CIB1: variants seen among roughly 807,000 people sequenced by gnomAD.
The protein encoded by CIB1 is calcium and integrin-binding protein 1.
Under a neutral mutation model 25.0 loss-of-function variants are expected in CIB1, and 19 were observed. The ratio of observed to expected loss-of-function variants is 0.76; its 90% confidence interval spans 0.53 to 1.12. The LOEUF (loss-of-function observed/expected upper bound fraction) is 1.12, where lower values mean the gene tolerates loss of function less well. CIB1 is among the 50% of genes most tolerant of loss of function. The pLI is 0.00. For synonymous variants in CIB1, 104 were observed against 98.5 expected (o/e 1.06, Z -0.33); for missense variants, 236 against 242.6 (o/e 0.97, Z 0.18).
the CIB1 span, among the ~76,000 whole-genome samples, chr15:90,261,704 T>A: frequency 6.6e-6 from 1 of 152,112 alleles, no homozygotes; most frequent in Non-Finnish European, 1.5e-5. Context: ...TGCTTAAACC[T>A]GGGAGGCAGA....
At chr15:90,231,667 C>A (rs367612323) in intron 3 of CIB1, among the ~76,000 whole-genome samples, 160 bp from the exon 4 acceptor site, 2 of 152,274 alleles carry the variant, frequency 1.3e-5, no homozygotes, top group East Asian at 3.9e-4. Flanking sequence ...AGTGGGGGCA[C>A]AGGAAAGCAA....
At chr15:90,262,264 G>A in the CIB1 span, 1 of 1,401,590 alleles carries the variant, frequency 7.1e-7, no homozygotes, top group Non-Finnish European at 9.4e-7. Context: ...TTCCCAGCAG[G>A]GAAAGAGGAA....
chr15:90,259,640 C>T, the CIB1 span, among the ~76,000 whole-genome samples: 1 of 152,204 alleles, frequency 6.6e-6, no homozygotes, highest in Non-Finnish European at 1.5e-5. Context: ...TATTTTAGAG[C>T]CATTCTCATG....
the CIB1 span, among the ~76,000 whole-genome samples, chr15:90,248,321 T>G: frequency 6.6e-6 from 1 of 152,230 alleles, no homozygotes; most frequent in East Asian, 1.9e-4. Flanking sequence ...CACTAACCTA[T>G]GTTCCTGAAC....
the CIB1 span, chr15:90,258,386 T>G: frequency 1.1e-6 from 1 of 896,504 alleles, no homozygotes. Flanking sequence ...GTGAAAGCCC[T>G]GGGGTGGGCA....
chr15:90,231,527 A>C lies in CIB1; in HGVS notation c.196-20T>G. 1 of 1,611,882 alleles carries C rather than the reference A, an allele frequency of 6.2e-7. No individual in the cohort carries two copies. Among genetic ancestry groups the C allele is most frequent in the Non-Finnish European group, 8.5e-7 (1 of 1,178,882 alleles). On this transcript the variant is annotated intron_variant, in intron 3 of 6. Transcript: ENST00000328649. The stretch of plus-strand genomic sequence containing the variant: ...GTTGGCCTAGGAGAACAAACGCCAC[A>C]GGACGTGGCCCAGGTCACACGCTCA...
chr15:90,251,280 A>ATTTTTTTTTTTT, the CIB1 span, among the ~76,000 whole-genome samples: 5 of 109,508 alleles, frequency 4.6e-5, no homozygotes, highest in African/African-American at 1.1e-4. Flanking sequence ...CGCATGGCAA[A>ATTTTTTTTTTTT]TTTTTTTTTT....
At chr15:90,261,535 A>G in the CIB1 span, among the ~76,000 whole-genome samples, 1 of 152,000 alleles carries the variant, frequency 6.6e-6, no homozygotes, top group Non-Finnish European at 1.5e-5. Context: ...GCTCACACCT[A>G]TAATCCCAGC....
chr15:90,240,738 A>T, the CIB1 span: 1 of 566,296 alleles, frequency 1.8e-6, no homozygotes, highest in Non-Finnish European at 3.1e-6. Flanking sequence ...GCTTGAACCC[A>T]GGAGGCGGAG....
the CIB1 span, chr15:90,255,838 T>C: frequency 1.2e-6 from 2 of 1,614,134 alleles, no homozygotes; most frequent in East Asian, 2.2e-5. Context: ...ACAAACTCTA[T>C]CCCTCTGAGT....
upstream of CIB1, chr15:90,234,606 C>CATTTT (rs1329001353): frequency 2.6e-5 from 4 of 152,010 alleles, no homozygotes; most frequent in Non-Finnish European, 5.9e-5. Flanking sequence ...GGTAGGTTCC[C>CATTTT]ATTTTACAAA....
chr15:90,241,620 C>T, the CIB1 span: 79 of 1,614,134 alleles, frequency 4.9e-5, 1 homozygote, highest in African/African-American at 5.6e-4. Flanking sequence ...AAGCGAGCCC[C>T]TGGACCCTGG....
Position 90,230,457 on chromosome 15 carries a change from G to A in CIB1, c.*27C>T. 1 of 1,551,428 alleles carries A rather than the reference G, an allele frequency of 6.4e-7. No individual in the cohort carries two copies. Among genetic ancestry groups the A allele is most frequent in the East Asian group, 2.4e-5 (1 of 40,918 alleles). ...AGCAGTAGAAAGGTTCTTGGACAGG[G>A]TGCCAGGACACACGCTGGGGCTGCT... On this transcript the variant is annotated 3_prime_UTR_variant, in exon 7 of 7. Coordinates refer to ENST00000328649, the MANE Select transcript of CIB1 (RefSeq NM_006384.4).
the CIB1 span, among the ~76,000 whole-genome samples, chr15:90,252,900 C>T: frequency 6.6e-6 from 1 of 151,958 alleles, no homozygotes; most frequent in African/African-American, 2.4e-5. Flanking sequence ...CTATTGGGGA[C>T]GCTGAGGCAC....
rs747497642 is a variant in CIB1, at chr15:90,231,365, C to A, written c.338G>T (p.Arg113Leu). 1 of 1,613,686 alleles carries A rather than the reference C, an allele frequency of 6.2e-7. No individual in the cohort carries two copies. Among genetic ancestry groups the A allele is most frequent in the African/African-American group, 1.3e-5 (1 of 74,924 alleles). The change falls in exon 4 of 7, where the codon CGC becomes CTC. Residue 113 changes from arginine (R) to leucine (L), a missense_variant. Physicochemically the swap from Arg to Leu is moderately radical, Grantham distance 102. Transcript: ENST00000328649. ...CTGCTCCTGGTTCTCACCAAAGATGCGGAAGGCATAATGGGACTTGATGTC... is the reference window on the plus strand; with the variant it reads ...CTGCTCCTGGTTCTCACCAAAGATGAGGAAGGCATAATGGGACTTGATGTC... ...TPDIKSHYAF[R>L]IFDFDDDGTL...
At chr15:90,258,233 C>CT in the CIB1 span, 2 of 1,614,250 alleles carry the variant, frequency 1.2e-6, no homozygotes, top group Non-Finnish European at 1.7e-6. Context: ...GTTTTGACAT[C>CT]TTGCTGGACC....
chr15:90,264,653 T>C, the CIB1 span: 2 of 1,501,324 alleles, frequency 1.3e-6, no homozygotes, highest in African/African-American at 1.4e-5. Flanking sequence ...TGGGCCACAG[T>C]TGGGAAAGAG....
the CIB1 span, chr15:90,262,944 TTA>T: frequency 6.5e-7 from 1 of 1,531,070 alleles, no homozygotes; most frequent in South Asian, 1.2e-5. Context: ...GATCCTGCAT[TTA>T]TCTCTCATGT....
the CIB1 span, chr15:90,251,687 C>CA: frequency 2.8e-5 from 41 of 1,454,506 alleles, no homozygotes; most frequent in Admixed American, 6.9e-4. Flanking sequence ...ATCAGGCTTC[C>CA]AGCCCCTGGG....
Sources: gnomAD v4.1 joint callset for allele counts (sites outside exome capture counted in the v4.1 genomes callset) on GRCh38, gnomAD v4.1.1 for gene constraint, MANE v1.5 for transcripts, NCBI Gene and HGNC (gene_info 2026-07-23, HGNC 2026-07-21) for gene names.